The following COMMD1 variants were observed in gnomAD, a reference collection of about 807,000 sequenced individuals.
COMMD1 encodes the protein COMM domain-containing protein 1.
A neutral mutation model predicts 17.2 loss-of-function variants in COMMD1; 10 were observed. The ratio of observed to expected loss-of-function variants is 0.58; its 90% confidence interval spans 0.36 to 0.99. COMMD1 has a LOEUF of 0.99. COMMD1 is among the 50% of genes least tolerant of loss of function. The pLI is 0.01. For synonymous variants in COMMD1, 97 were observed against 91.6 expected, an observed-to-expected ratio of 1.06 and a Z score of -0.34; for missense variants, 270 against 231.8, an observed-to-expected ratio of 1.17 and a Z score of -1.07.
chr2:62,122,782 C>G (rs1011467865), intron 2 of COMMD1, among the ~76,000 whole-genome samples: 24 of 152,198 alleles, frequency 1.6e-4, no homozygotes, highest in African/African-American at 5.8e-4. Flanking sequence ...AAATCTCAAA[C>G]CAAAAGAAGA....
intron 1 of COMMD1, among the ~76,000 whole-genome samples, chr2:61,966,082 G>A (rs1214234103): frequency 6.6e-6 from 1 of 152,166 alleles, no homozygotes; most frequent in Non-Finnish European, 1.5e-5. Flanking sequence ...AATTGTGAAT[G>A]TTCAATCTTC....
intron 1 of COMMD1, among the ~76,000 whole-genome samples, chr2:61,946,459 A>C (rs182280428): frequency 6.6e-6 from 1 of 152,284 alleles, no homozygotes; most frequent in East Asian, 1.9e-4. Flanking sequence ...ATGATAAAGC[A>C]CTGGAAATTA....
intron 1 of COMMD1, among the ~76,000 whole-genome samples, chr2:61,936,810 T>C (rs1333652871): frequency 6.6e-6 from 1 of 152,198 alleles, no homozygotes. Flanking sequence ...AGACTGGGTC[T>C]AAGTCAATTT....
chr2:61,946,004 C>T (rs1670895629), intron 1 of COMMD1, among the ~76,000 whole-genome samples: 1 of 152,176 alleles, frequency 6.6e-6, no homozygotes, highest in Admixed American at 6.6e-5. Context: ...GCATGTCCTA[C>T]CTCCACTTCC....
At chr2:62,024,310 G>A (rs528745732) in intron 2 of COMMD1, among the ~76,000 whole-genome samples, 1 of 152,162 alleles carries the variant, frequency 6.6e-6, no homozygotes, top group African/African-American at 2.4e-5. Context: ...TCTGCCTCCC[G>A]GGTTCAAGCA....
At chr2:62,005,207 C>T (rs774773212) in intron 2 of COMMD1, among the ~76,000 whole-genome samples, 1 of 152,050 alleles carries the variant, frequency 6.6e-6, no homozygotes, top group Non-Finnish European at 1.5e-5. Context: ...TAAAGGTAGC[C>T]AAAATAATTG....
At chr2:62,071,185 C>G (rs1671190507) in intron 2 of COMMD1, among the ~76,000 whole-genome samples, 1 of 152,200 alleles carries the variant, frequency 6.6e-6, no homozygotes, top group Non-Finnish European at 1.5e-5. Flanking sequence ...ATTCCTGGAA[C>G]TGAGGGTTCC....
intron 2 of COMMD1, among the ~76,000 whole-genome samples, chr2:62,089,027 A>G (rs1430289015): frequency 2.0e-5 from 3 of 152,222 alleles, no homozygotes; most frequent in African/African-American, 7.2e-5. Context: ...TAGGATCCCT[A>G]ATAAGGAAAT....
intron 2 of COMMD1, among the ~76,000 whole-genome samples, chr2:62,121,944 A>C (rs537799587): frequency 4.6e-5 from 7 of 151,994 alleles, no homozygotes; most frequent in Non-Finnish European, 1.0e-4. Context: ...GGTACCCACC[A>C]CCGTGCCCAG....
At chr2:62,053,947 A>G (rs548885183) in intron 2 of COMMD1, among the ~76,000 whole-genome samples, 3 of 152,334 alleles carry the variant, frequency 2.0e-5, no homozygotes, top group Admixed American at 6.5e-5. Flanking sequence ...TTTGCAAAGT[A>G]TTCATCCAAT....
At chr2:62,063,887 A>C (rs1670951762) in intron 2 of COMMD1, among the ~76,000 whole-genome samples, 1 of 127,060 alleles carries the variant, frequency 7.9e-6, no homozygotes, top group Non-Finnish European at 1.6e-5. Context: ...ATATATATAT[A>C]TATATATATA....
chr2:62,021,030 G>C (rs1573080127), intron 2 of COMMD1, among the ~76,000 whole-genome samples: 1 of 151,040 alleles, frequency 6.6e-6, no homozygotes, highest in Non-Finnish European at 1.5e-5. Context: ...TCTACTCTTT[G>C]ATTAAAATAA....
At chr2:61,994,565 C>CTT (rs1254345075) in intron 1 of COMMD1, among the ~76,000 whole-genome samples, 1 of 151,972 alleles carries the variant, frequency 6.6e-6, no homozygotes, top group East Asian at 1.9e-4. Context: ...AGTCAAGACT[C>CTT]TTGGTTCCAA....
chr2:61,944,599 T>C lies in COMMD1; in HGVS notation c.180+38741T>C, dbSNP rs193280201. 7.9e-5 allele frequency among the ~76,000 whole-genome samples: 12 copies of C among 152,290 alleles called. No individual in the cohort carries two copies. In the South Asian group the frequency reaches 1.0e-3, roughly 13 times the overall value. On this transcript the variant is annotated intron_variant, in intron 1 of 2. Coordinates refer to ENST00000311832, the MANE Select transcript of COMMD1 (RefSeq NM_152516.4). ...CCTCAGCCACTCTTAACTTTGTAGC[T>C]CTCATCTGCCATTACACATGCCAAG...
At chr2:61,954,423 T>G (rs1212425509) in intron 1 of COMMD1, among the ~76,000 whole-genome samples, 8 of 152,214 alleles carry the variant, frequency 5.3e-5, no homozygotes. Flanking sequence ...TGGCTTGTTT[T>G]GTTTTCTTTA....
chr2:61,910,791 A>C (rs1669884075), intron 1 of COMMD1, among the ~76,000 whole-genome samples: 1 of 152,150 alleles, frequency 6.6e-6, no homozygotes, highest in Admixed American at 6.6e-5. Flanking sequence ...AATTTTAAAC[A>C]AAAAATTTTA....
At chr2:61,892,584 C>T (rs1669458554) in intron 1 of COMMD1, among the ~76,000 whole-genome samples, 1 of 151,654 alleles carries the variant, frequency 6.6e-6, no homozygotes, top group African/African-American at 2.4e-5. Context: ...TTCCCAGCTA[C>T]TGGGGAGGCT....
intron 1 of COMMD1, among the ~76,000 whole-genome samples, chr2:61,935,761 A>G (rs1235967400): frequency 2.0e-5 from 3 of 152,204 alleles, no homozygotes; most frequent in Non-Finnish European, 2.9e-5. Flanking sequence ...AATTTGGTCT[A>G]ATCATTTATA....
chr2:62,024,997 C>T (rs1286329703), intron 2 of COMMD1, among the ~76,000 whole-genome samples: 4 of 152,222 alleles, frequency 2.6e-5, no homozygotes, highest in South Asian at 2.1e-4. Flanking sequence ...GAGGCTGAGG[C>T]GGGCAGATCA....
Sources: allele counts gnomAD v4.1 joint callset (sites outside exome capture counted in the v4.1 genomes callset), GRCh38; gene constraint gnomAD v4.1.1; transcripts MANE v1.5; gene names NCBI Gene and HGNC (gene_info 2026-07-23, HGNC 2026-07-21).